UBE2R2: variants seen among roughly 807,000 people sequenced by gnomAD.
The protein encoded by UBE2R2 is ubiquitin conjugating enzyme E2 R2.
A neutral mutation model predicts 27.8 loss-of-function variants in UBE2R2; 1 was observed. The observed-to-expected ratio is 0.04, with a 90% CI of 0.01 to 0.17. The LOEUF (loss-of-function observed/expected upper bound fraction) is 0.17. Ranked by LOEUF, UBE2R2 falls within the 10% of genes least tolerant of loss-of-function variation. UBE2R2 has a pLI of 1.00. For missense variants in UBE2R2, 100 were observed against 291.0 expected, an observed-to-expected ratio of 0.34 and a Z score of 4.78; for synonymous variants, 106 against 113.3, an observed-to-expected ratio of 0.94 and a Z score of 0.41.
At chr9:33,839,869 A>C (rs1437993283) in intron 1 of UBE2R2, among the ~76,000 whole-genome samples, 2 of 151,976 alleles carry the variant, frequency 1.3e-5, no homozygotes, top group Non-Finnish European at 2.9e-5. Flanking sequence ...GTGGTGGTCT[A>C]CCTGTAATCT....
Position 33,817,679 on chromosome 9 carries a change from G to T in UBE2R2, c.-79G>T, listed in dbSNP as rs1438740305. On this transcript the variant is annotated 5_prime_UTR_variant, in exon 1 of 5. Coordinates refer to ENST00000263228, the MANE Select transcript of UBE2R2 (RefSeq NM_017811.4). ...CTGCCCGGCCGGAGGGCGAGCGGAG[G>T]GGAGGGGCCTGGTCCGGCCCGGCCG... is the stretch of plus-strand genomic sequence containing the variant. The T allele has an allele frequency of 4.1e-6, 5 of 1,211,226 alleles. No individual in the cohort carries two copies. The highest frequency in any genetic ancestry group is 5.1e-6 in the Non-Finnish European group (5 of 974,314). The allele number at this position is 1,211,226 out of a possible 1,614,324, so 75.0% of individuals were successfully genotyped here.
intron 1 of UBE2R2, among the ~76,000 whole-genome samples, chr9:33,870,099 C>A (rs1235917018): frequency 6.6e-6 from 1 of 152,018 alleles, no homozygotes; most frequent in Non-Finnish European, 1.5e-5. Context: ...CCCGCCTTGG[C>A]CTTCCAAAGT....
At chr9:33,845,392 G>T (rs533678262) in intron 1 of UBE2R2, among the ~76,000 whole-genome samples, 2 of 151,478 alleles carry the variant, frequency 1.3e-5, no homozygotes, top group African/African-American at 4.9e-5. Flanking sequence ...GACTACAGGC[G>T]CCCGCCACCA....
intron 1 of UBE2R2, among the ~76,000 whole-genome samples, chr9:33,854,983 A>T (rs952714525): frequency 1.4e-4 from 21 of 151,972 alleles, no homozygotes; most frequent in African/African-American, 4.6e-4. Context: ...AAGTGCTAAG[A>T]TTATCACCAT....
At chr9:33,830,635 T>G (rs1463761414) in intron 1 of UBE2R2, among the ~76,000 whole-genome samples, 1 of 151,486 alleles carries the variant, frequency 6.6e-6, no homozygotes, top group East Asian at 2.0e-4. Flanking sequence ...TGTCGTGGTG[T>G]TGTGCGCCTC....
At chr9:33,913,615 A>G (rs909075442) in intron 4 of UBE2R2, among the ~76,000 whole-genome samples, 1 of 152,160 alleles carries the variant, frequency 6.6e-6, no homozygotes, top group African/African-American at 2.4e-5. Context: ...CCCCAAATAC[A>G]GTTACAGCTT....
chr9:33,894,616 G>T (rs547254989), intron 2 of UBE2R2, among the ~76,000 whole-genome samples: 2 of 152,058 alleles, frequency 1.3e-5, no homozygotes, highest in East Asian at 3.9e-4. Context: ...TTTTGGGGGG[G>T]GCCACATGTG....
chr9:33,860,708 C>T (rs1236953503), intron 1 of UBE2R2, among the ~76,000 whole-genome samples: 1 of 152,010 alleles, frequency 6.6e-6, no homozygotes, highest in Non-Finnish European at 1.5e-5. Context: ...TGAAGCCAGC[C>T]TGGGCAACAT....
At chr9:33,822,298 T>C (rs1416007006) in intron 1 of UBE2R2, among the ~76,000 whole-genome samples, 1 of 151,560 alleles carries the variant, frequency 6.6e-6, no homozygotes, top group Non-Finnish European at 1.5e-5. Flanking sequence ...TCCATGTTGG[T>C]TAGGCTGGTC....
At chr9:33,867,056 C>T (rs1218725543) in intron 1 of UBE2R2, among the ~76,000 whole-genome samples, 1 of 152,044 alleles carries the variant, frequency 6.6e-6, no homozygotes, top group African/African-American at 2.4e-5. Context: ...CTAAATATTC[C>T]TGGTTTTTTT....
rs1822737882 is a variant in UBE2R2, at chr9:33,919,250, A to G, written c.*2013A>G. On this transcript the variant is annotated 3_prime_UTR_variant, in exon 5 of 5. Transcript: ENST00000263228. ...AGTAATGCTTCCAGATTAACCTGCAAATCTTGTGGAGCCAAAGCCTCTCAC... is the reference window on the plus strand; with the variant it reads ...AGTAATGCTTCCAGATTAACCTGCAGATCTTGTGGAGCCAAAGCCTCTCAC... 6.6e-6 allele frequency: 1 copy of G among 152,178 alleles called. No homozygotes were observed. Among genetic ancestry groups the G allele is most frequent in the African/African-American group, 2.4e-5 (1 of 41,434 alleles). The allele number at this position is 152,178 out of a possible 1,614,324, so 9.4% of individuals were successfully genotyped here.
intron 1 of UBE2R2, among the ~76,000 whole-genome samples, chr9:33,878,006 C>T (rs1821653276): frequency 6.6e-6 from 1 of 152,132 alleles, no homozygotes; most frequent in African/African-American, 2.4e-5. Context: ...ATCCGCCCAC[C>T]TCAGCCTCCC....
intron 3 of UBE2R2, among the ~76,000 whole-genome samples, chr9:33,908,624 T>G (rs1278251790): frequency 6.6e-6 from 1 of 152,210 alleles, no homozygotes; most frequent in Non-Finnish European, 1.5e-5. Flanking sequence ...GACATGGAAT[T>G]AGAATTTCTC....
chr9:33,898,704 A>G (rs994966963), intron 2 of UBE2R2, among the ~76,000 whole-genome samples: 3 of 152,178 alleles, frequency 2.0e-5, no homozygotes, highest in Non-Finnish European at 4.4e-5. Flanking sequence ...GCAGTGCACC[A>G]TGGTTGTCTT....
chr9:33,897,023 A>ATT (rs1434314063), intron 2 of UBE2R2, among the ~76,000 whole-genome samples: 3 of 77,064 alleles, frequency 3.9e-5, no homozygotes, highest in Non-Finnish European at 5.0e-5. Context: ...TCTGTGGCCT[A>ATT]ATTTTTTTTT....
intron 1 of UBE2R2, among the ~76,000 whole-genome samples, chr9:33,833,668 A>G (rs1820548289): frequency 6.6e-6 from 1 of 152,214 alleles, no homozygotes; most frequent in Non-Finnish European, 1.5e-5. Flanking sequence ...CATTTTAACC[A>G]TTTTTAAGAG....
At chr9:33,878,587 CA>C (rs1821665710) in intron 1 of UBE2R2, among the ~76,000 whole-genome samples, 1 of 152,138 alleles carries the variant, frequency 6.6e-6, no homozygotes, top group African/African-American at 2.4e-5. Context: ...CACTGCACTC[CA>C]GCCTGGTTGA....
chr9:33,869,309 A>G (rs1307273835), intron 1 of UBE2R2, among the ~76,000 whole-genome samples: 1 of 152,102 alleles, frequency 6.6e-6, no homozygotes, highest in African/African-American at 2.4e-5. Flanking sequence ...CTGAAATTCC[A>G]TCTGAAAATA....
intron 1 of UBE2R2, among the ~76,000 whole-genome samples, chr9:33,879,044 C>G (rs1430684258): frequency 6.6e-6 from 1 of 152,116 alleles, no homozygotes; most frequent in Non-Finnish European, 1.5e-5. Context: ...AAGTTTGAGA[C>G]CAGCCTGGGC....
Sources: allele counts gnomAD v4.1 joint callset (sites outside exome capture counted in the v4.1 genomes callset), GRCh38; gene constraint gnomAD v4.1.1; transcripts MANE v1.5; gene names NCBI Gene and HGNC (gene_info 2026-07-23, HGNC 2026-07-21).